SH3RF3: variants seen among roughly 807,000 people sequenced by gnomAD.
The protein encoded by SH3RF3 is SH3 domain containing ring finger 3, also known as E3 ubiquitin-protein ligase SH3RF3.
Under a neutral mutation model 66.3 loss-of-function variants are expected in SH3RF3, and 29 were observed. The ratio of observed to expected loss-of-function variants is 0.44; its 90% CI spans 0.33 to 0.60. The LOEUF is 0.60. Among genes scored for constraint, SH3RF3 ranks in the 20% least tolerant of loss-of-function variants. The pLI, the probability that SH3RF3 is intolerant of heterozygous loss-of-function variation, is 0.04. For missense variants in SH3RF3, 1,194 were observed against 1,190.9 expected (o/e 1.00, Z -0.04); for synonymous variants, 583 against 532.0 (o/e 1.10, Z -1.32).
intron 4 of SH3RF3, among the ~76,000 whole-genome samples, chr2:109,405,616 A>G (rs1483416227): frequency 2.0e-5 from 3 of 152,176 alleles, no homozygotes; most frequent in Non-Finnish European, 4.4e-5. Flanking sequence ...ACCAGGCAAC[A>G]CACAGACACA....
chr2:109,154,264 G>A (rs11681754), intron 1 of SH3RF3, among the ~76,000 whole-genome samples: 21,529 of 152,232 alleles, frequency 0.14, 1,690 homozygotes, highest in Middle Eastern at 0.21. Flanking sequence ...CACATTGGAT[G>A]GAAGCTGGGA....
intron 4 of SH3RF3, among the ~76,000 whole-genome samples, chr2:109,402,000 AAAGGGC>A (rs1227575806): frequency 6.6e-6 from 1 of 152,212 alleles, no homozygotes; most frequent in Non-Finnish European, 1.5e-5. Flanking sequence ...GGGTCACCTC[AAAGGGC>A]AAGAGGTCAA....
chr2:109,476,256 C>G (rs1202413160), intron 8 of SH3RF3, among the ~76,000 whole-genome samples: 3 of 152,216 alleles, frequency 2.0e-5, no homozygotes, highest in Middle Eastern at 3.2e-3. Context: ...ACAAAGTTCT[C>G]CAGACACAGT....
In SH3RF3 at chr2:109,287,681, C is replaced by T. The variant is rs564243751; in HGVS notation, c.574-59993C>T. On this transcript the variant is annotated intron_variant, in intron 1 of 9. Coordinates refer to ENST00000309415, the MANE Select transcript of SH3RF3 (RefSeq NM_001099289.3). Reference sequence around the variant, plus strand: ...GGTGTTCCCCTTCTGGGCCCTCCCTCGGATCCTATCAGAGGCCTCAGATCT... The same window carrying T: ...GGTGTTCCCCTTCTGGGCCCTCCCTTGGATCCTATCAGAGGCCTCAGATCT... 6.6e-5 allele frequency among the ~76,000 whole-genome samples: 10 copies of T among 152,260 alleles called. No homozygotes were observed. The East Asian group carries it at 1.5e-3, about 24-fold the overall frequency.
chr2:109,341,842 C>T (rs1682558794), intron 1 of SH3RF3, among the ~76,000 whole-genome samples: 1 of 152,204 alleles, frequency 6.6e-6, no homozygotes, highest in Non-Finnish European at 1.5e-5. Context: ...GACACCTACC[C>T]AGGGCTGCCT....
At chr2:109,171,777 C>G (rs1677789479) in intron 1 of SH3RF3, among the ~76,000 whole-genome samples, 1 of 152,246 alleles carries the variant, frequency 6.6e-6, no homozygotes, top group Admixed American at 6.5e-5. Context: ...TGCCGTGCAT[C>G]CCGGCCACGC....
intron 1 of SH3RF3, among the ~76,000 whole-genome samples, chr2:109,199,836 A>G (rs1574500451): frequency 6.6e-6 from 1 of 151,716 alleles, no homozygotes. Context: ...ATGGAATGGA[A>G]TGGAATGGAA....
At chr2:109,419,690 C>G (rs372790337) in intron 5 of SH3RF3, 48 bp downstream of exon 5, 1 of 1,525,860 alleles carries the variant, frequency 6.6e-7, no homozygotes, top group East Asian at 2.4e-5. Flanking sequence ...GCAGCCCTCC[C>G]TCCTGCCTGG....
intron 1 of SH3RF3, among the ~76,000 whole-genome samples, chr2:109,200,955 C>A (rs934807129): frequency 2.2e-4 from 34 of 152,166 alleles, no homozygotes; most frequent in Non-Finnish European, 3.8e-4. Context: ...TGGCCCGGGG[C>A]CCACCCACAC....
At chr2:109,214,177 G>T (rs1398647454) in intron 1 of SH3RF3, among the ~76,000 whole-genome samples, 1 of 152,212 alleles carries the variant, frequency 6.6e-6, no homozygotes, top group East Asian at 1.9e-4. Flanking sequence ...TGGAGGTGAG[G>T]CTAAGACGCA....
chr2:109,212,033 TAACTGGTGGGCTTTGCGG>T (rs1361638052), intron 1 of SH3RF3, among the ~76,000 whole-genome samples: 3 of 152,228 alleles, frequency 2.0e-5, no homozygotes, highest in Non-Finnish European at 2.9e-5. Flanking sequence ...TGCATTGGTG[TAACTGGTGGGCTTTGCGG>T]AATTCCAGGG....
Position 109,347,936 on chromosome 2 carries a change from T to C in SH3RF3, c.836T>C (p.Leu279Pro). Residue 279 changes from leucine (L) to proline (P), a missense_variant, in exon 2 of 10, where the codon CTG becomes CCG. Physicochemically the swap from Leu to Pro is moderately conservative, Grantham distance 98. Coordinates refer to ENST00000309415, the MANE Select transcript of SH3RF3 (RefSeq NM_001099289.3). ...GACAAAGACCAAGACAAGGACTGTC[T>C]GACCTTCACCAAGGTAAGGTGAGCC... ...MKDKDQDKDC[L>P]TFTKDEILTV... is the part of the protein sequence containing the mutation. The C allele has an allele frequency of 6.2e-7, 1 of 1,604,652 alleles. No individual in the cohort carries two copies.
intron 2 of SH3RF3, among the ~76,000 whole-genome samples, chr2:109,368,725 A>AAG (rs1303960595): frequency 3.8e-4 from 56 of 145,758 alleles, no homozygotes; most frequent in African/African-American, 1.4e-3. Context: ...AAAAAAAAAG[A>AAG]AAAAGAAAAA....
intron 3 of SH3RF3, among the ~76,000 whole-genome samples, chr2:109,374,712 G>A (rs935740128): frequency 6.6e-6 from 1 of 152,202 alleles, no homozygotes; most frequent in African/African-American, 2.4e-5. Flanking sequence ...CGTAAGCTTG[G>A]ATTGCATGAA....
At chr2:109,447,954 A>T (rs1000583977) in intron 7 of SH3RF3, among the ~76,000 whole-genome samples, 2 of 152,204 alleles carry the variant, frequency 1.3e-5, no homozygotes, top group Non-Finnish European at 2.9e-5. Flanking sequence ...CAGCAAATGC[A>T]GGCAGATGGC....
chr2:109,345,484 C>T (rs969510023), intron 1 of SH3RF3, among the ~76,000 whole-genome samples: 2 of 152,118 alleles, frequency 1.3e-5, no homozygotes, highest in Non-Finnish European at 2.9e-5. Context: ...TCTTATAACA[C>T]GGCTTTTAAG....
At chr2:109,349,023 C>G (rs1383477266) in intron 2 of SH3RF3, among the ~76,000 whole-genome samples, 1 of 151,992 alleles carries the variant, frequency 6.6e-6, no homozygotes, top group Non-Finnish European at 1.5e-5. Context: ...CAGTATTTCT[C>G]TCTCTCTCTC....
intron 1 of SH3RF3, among the ~76,000 whole-genome samples, chr2:109,149,641 A>T (rs1221613712): frequency 6.6e-6 from 1 of 152,062 alleles, no homozygotes; most frequent in Non-Finnish European, 1.5e-5. Context: ...TCCATTGAGC[A>T]CCCACATGTC....
At chr2:109,255,935 G>A (rs1680212439) in intron 1 of SH3RF3, among the ~76,000 whole-genome samples, 1 of 152,230 alleles carries the variant, frequency 6.6e-6, no homozygotes, top group Admixed American at 6.5e-5. Flanking sequence ...GGAAGGGGAA[G>A]AGGAAGTGTT....
Sources: gnomAD v4.1 joint callset for allele counts (sites outside exome capture counted in the v4.1 genomes callset) on GRCh38, gnomAD v4.1.1 for gene constraint, MANE v1.5 for transcripts, NCBI Gene and HGNC (gene_info 2026-07-23, HGNC 2026-07-21) for gene names.